EVPLL: variants seen among roughly 807,000 people sequenced by gnomAD.
EVPLL encodes the protein envoplakin like.
In EVPLL, 39 loss-of-function variants were observed where a neutral mutation model predicts 46.2. That is an observed-to-expected ratio of 0.84 (90% CI 0.65 to 1.10). EVPLL has a LOEUF of 1.10. Among genes scored for constraint, EVPLL ranks in the 50% least tolerant of loss-of-function variants. The pLI is 0.00. For synonymous variants in EVPLL, 156 were observed against 165.8 expected (o/e 0.94, Z 0.46); for missense variants, 385 against 412.6 (o/e 0.93, Z 0.58).
chr17:18,386,895 T>C (rs1243941435), intron 9 of EVPLL, among the ~76,000 whole-genome samples: 500 of 23,180 alleles, frequency 0.022, 3 homozygotes, highest in African/African-American at 0.11. Flanking sequence ...TTTTGGTTAA[T>C]TTTTTTTTTT....
chr17:18,379,122 G>C (rs1987478200), intron 1 of EVPLL, among the ~76,000 whole-genome samples: 1 of 152,122 alleles, frequency 6.6e-6, no homozygotes, highest in South Asian at 2.1e-4. Flanking sequence ...TTTTCCAGTG[G>C]GTGTGGTGCA....
At chr17:18,387,011 C>T (rs1987787250) in intron 9 of EVPLL, among the ~76,000 whole-genome samples, 2 of 151,660 alleles carry the variant, frequency 1.3e-5, no homozygotes, top group Non-Finnish European at 2.9e-5. Context: ...TCTCCTGCCT[C>T]AGCCTCCCAA....
chr17:18,378,674 A>G (rs1382260074), intron 1 of EVPLL, among the ~76,000 whole-genome samples: 4 of 151,040 alleles, frequency 2.6e-5, no homozygotes, highest in South Asian at 2.1e-4. Context: ...AAAAACAGCC[A>G]GGTATGGTGG....
At chr17:18,386,894 A>ATTT (rs60131387) in intron 9 of EVPLL, among the ~76,000 whole-genome samples, 2 of 127,104 alleles carry the variant, frequency 1.6e-5, no homozygotes, top group Admixed American at 8.0e-5. Context: ...TTTTTGGTTA[A>ATTT]TTTTTTTTTT....
At chr17:18,379,585 G>A (rs1242362506) in intron 1 of EVPLL, among the ~76,000 whole-genome samples, 2 of 152,186 alleles carry the variant, frequency 1.3e-5, no homozygotes, top group East Asian at 3.9e-4. Flanking sequence ...TGTGCTCCTG[G>A]CCTGGGGCAG....
At chr17:18,380,449 A>C in intron 1 of EVPLL, 1 of 169,520 alleles carries the variant, frequency 5.9e-6, no homozygotes, top group Non-Finnish European at 1.3e-5. Context: ...TGGAGGAGGT[A>C]TAGGGGAACA....
chr17:18,382,983 C>T (rs769366002), intron 6 of EVPLL, 42 bp from the exon 7 acceptor site: 1 of 1,564,582 alleles, frequency 6.4e-7, no homozygotes, highest in Non-Finnish European at 8.6e-7. Flanking sequence ...CCCCCACTTT[C>T]TCTCTCCCCA....
In EVPLL at chr17:18,381,828, G is replaced by A. The variant is rs896250876; in HGVS notation, c.346+98G>A. 32 of 1,576,466 alleles carry A rather than the reference G, an allele frequency of 2.0e-5. No individual in the cohort carries two copies. In the African/African-American group the frequency reaches 3.8e-4, roughly 19 times the overall value. ...TGTAGGCTTGAACAGTCAGTGTATA[G>A]TGGTGTCTCAGGGGTCTGGGCAGGG... On this transcript the variant is annotated intron_variant, in intron 4 of 10. Transcript: ENST00000399134. This position sits in a 1 kb window ranked among gnomAD's most constrained non-coding sequence, Gnocchi z 4.2.
intron 1 of EVPLL, 106 bp from the exon 2 acceptor site, chr17:18,380,796 G>A (rs1387559471): frequency 6.5e-6 from 6 of 929,754 alleles, no homozygotes; most frequent in African/African-American, 1.6e-5. Context: ...AGTGTGCTAG[G>A]CTGTGGGGGC....
chr17:18,381,272 TG>T lies in EVPLL; in HGVS notation c.64-91del. The T allele has an allele frequency of 6.9e-7, 1 of 1,459,016 alleles. No homozygotes were observed. The highest frequency in any genetic ancestry group is 9.0e-7 in the Non-Finnish European group (1 of 1,105,448). 90.4% of individuals were successfully genotyped at this position (1,459,016 alleles called of 1,614,324 possible). A position where few individuals can be genotyped will look rare whatever the true frequency, so the allele number is the denominator to read the frequency against. On this transcript the variant is annotated intron_variant, in intron 2 of 10. Coordinates refer to ENST00000399134, the MANE Select transcript of EVPLL (RefSeq NM_001145127.2). This position sits in a 1 kb window ranked among gnomAD's most constrained non-coding sequence, Gnocchi z 4.2. Reference sequence around the variant, plus strand: ...GGGCCTCGAGGTTGGCCAGCATAGCTGGGGTCCCAAAGGTGGGGCTCAGGCC... The same window carrying T: ...GGGCCTCGAGGTTGGCCAGCATAGCTGGGTCCCAAAGGTGGGGCTCAGGCC...
chr17:18,378,436 G>A (rs1987452951), intron 1 of EVPLL, among the ~76,000 whole-genome samples: 1 of 152,142 alleles, frequency 6.6e-6, no homozygotes, highest in Non-Finnish European at 1.5e-5. Context: ...CCCTGGGGTA[G>A]GGATGCAGGG....
At chr17:18,384,950 T>A (rs1172689019) in intron 9 of EVPLL, among the ~76,000 whole-genome samples, 1 of 142,436 alleles carries the variant, frequency 7.0e-6, no homozygotes, top group Non-Finnish European at 1.5e-5. Flanking sequence ...CAGAGGAGGC[T>A]GAGAGGGAGA....
chr17:18,384,550 C>T (rs550338997), intron 9 of EVPLL, among the ~76,000 whole-genome samples: 4 of 151,998 alleles, frequency 2.6e-5, no homozygotes, highest in Non-Finnish European at 5.9e-5. Context: ...GGCAACATGA[C>T]GAAATCCTGT....
chr17:18,377,837 C>G lies in EVPLL; in HGVS notation c.-183C>G. 1.4e-6 allele frequency: 1 copy of G among 736,744 alleles called. No individual in the cohort carries two copies. Among genetic ancestry groups the G allele is most frequent in the Non-Finnish European group, 2.2e-6 (1 of 449,100 alleles). 45.6% of individuals were successfully genotyped at this position (736,744 alleles called of 1,614,324 possible). A position where few individuals can be genotyped will look rare whatever the true frequency, so the allele number is the denominator to read the frequency against. ...GCTGCCTCCCACCTGCCCTCCTGCC[C>G]TCCTTCACCAGCCAAGCCCAGCCTG... On this transcript the variant is annotated 5_prime_UTR_variant, in exon 1 of 11. Transcript: ENST00000399134.
At chr17:18,386,937 C>T (rs1181844988) in intron 9 of EVPLL, among the ~76,000 whole-genome samples, 1 of 151,280 alleles carries the variant, frequency 6.6e-6, no homozygotes, top group African/African-American at 2.4e-5. Flanking sequence ...CTCTGTCGCC[C>T]AGGCTGGAGT....
chr17:18,386,418 C>T (rs1285619976), intron 9 of EVPLL: 1 of 102,006 alleles, frequency 9.8e-6, no homozygotes, highest in Admixed American at 9.3e-5. Context: ...TTCAACCCAC[C>T]ACATAGGCCC....
intron 1 of EVPLL, chr17:18,380,107 G>A (rs1165628998): frequency 6.6e-6 from 1 of 152,368 alleles, no homozygotes; most frequent in African/African-American, 2.4e-5. Flanking sequence ...ATAAGGCACT[G>A]TGCTCATAAG....
Position 18,383,527 on chromosome 17 carries a change from C to T in EVPLL, c.816C>T (p.Asn272=). ...HQEALKMEWQ[N]FLNLCICQET... ...AGGCCCTGAAGATGGAGTGGCAGAA[C>T]TTCCTGAACCTGTGCATCTGCCAGG... The change falls in exon 9 of 11, where the codon AAC becomes AAT. Residue 272 remains asparagine (N), a synonymous_variant. Transcript: ENST00000399134. The T allele has an allele frequency of 1.3e-6, 2 of 1,586,406 alleles. No individual in the cohort carries two copies. The highest frequency in any genetic ancestry group is 1.7e-6 in the Non-Finnish European group (2 of 1,166,308).
rs1305977042 is a variant in EVPLL, at chr17:18,389,512, G to A, written c.*696G>A. ...CGGGGACCAGGTGAGGGCTTCAAAG[G>A]GTACAGTACCAAATCTTCCAAACTC... On this transcript the variant is annotated 3_prime_UTR_variant, in exon 11 of 11. Transcript: ENST00000399134. The A allele has an allele frequency of 1.1e-5, 1 of 90,782 alleles. No homozygotes were observed. Among genetic ancestry groups the A allele is most frequent in the East Asian group, 2.1e-4 (1 of 4,726 alleles). The allele number at this position is 90,782 out of a possible 1,614,324, so 5.6% of individuals were successfully genotyped here.
Sources: allele counts gnomAD v4.1 joint callset (sites outside exome capture counted in the v4.1 genomes callset), GRCh38; gene constraint gnomAD v4.1.1; non-coding constraint Gnocchi (gnomAD v3.1); transcripts MANE v1.5; gene names NCBI Gene and HGNC (gene_info 2026-07-23, HGNC 2026-07-21).